Variants in TBCD observed in about 807,000 individuals in gnomAD.
TBCD encodes the protein tubulin folding cofactor D.
A neutral mutation model predicts 169.3 loss-of-function variants in TBCD; 105 were observed. The ratio of observed to expected loss-of-function variants is 0.62; its 90% confidence interval spans 0.53 to 0.73. The LOEUF is 0.73. Ranked by LOEUF, TBCD falls within the 30% of genes least tolerant of loss-of-function variation. The probability of loss-of-function intolerance (pLI) is 0.00; values close to 1 mark genes in which losing one functional copy is unlikely to be tolerated. For missense variants in TBCD, 1,444 were observed against 1,600.1 expected, an observed-to-expected ratio of 0.90 and a Z score of 1.66; for synonymous variants, 700 against 643.9, an observed-to-expected ratio of 1.09 and a Z score of -1.32.
intron 14 of TBCD, among the ~76,000 whole-genome samples, chr17:82,882,647 G>A (rs567361232): frequency 2.6e-5 from 4 of 152,326 alleles, no homozygotes; most frequent in Admixed American, 6.5e-5. Flanking sequence ...CAGACAGTGC[G>A]AGATGCAGGA....
intron 13 of TBCD, among the ~76,000 whole-genome samples, chr17:82,828,282 A>G (rs1417008770): frequency 2.0e-5 from 2 of 100,102 alleles, no homozygotes; most frequent in Admixed American, 1.2e-4. Context: ...ATGCACACAC[A>G]CCCCCCCACA....
At chr17:82,865,387 C>A in intron 13 of TBCD, 1 of 863,048 alleles carries the variant, frequency 1.2e-6, no homozygotes, top group Non-Finnish European at 1.4e-6. Context: ...TCCACATCCA[C>A]CCCATCGTGG....
intron 6 of TBCD, among the ~76,000 whole-genome samples, chr17:82,776,678 G>T (rs967978728): frequency 5.9e-5 from 9 of 152,210 alleles, no homozygotes; most frequent in African/African-American, 2.2e-4. Flanking sequence ...CGGACGCCTG[G>T]GTTTGGTTAC....
At chr17:82,818,056 G>A (rs1014181800) in intron 13 of TBCD, among the ~76,000 whole-genome samples, 3 of 152,236 alleles carry the variant, frequency 2.0e-5, no homozygotes, top group Non-Finnish European at 4.4e-5. Context: ...GCTTGTGTGT[G>A]TGCTCTGTCA....
rs753528335 is a variant in TBCD, at chr17:82,889,733, T to C, written c.1563+36T>C. ...TTTCAAACACCTTTATTCCAAAAAC[T>C]TCCTGCGGGTTTATAGGTAGGAATC... On this transcript the variant is annotated intron_variant, in intron 16 of 38. Coordinates refer to ENST00000355528, the MANE Select transcript of TBCD (RefSeq NM_005993.5). This position sits in a 1 kb window ranked among gnomAD's most constrained non-coding sequence, Gnocchi z 5.3. 3.7e-6 allele frequency: 6 copies of C among 1,611,038 alleles called. 1 individual carries two copies. In the Admixed American group the frequency reaches 1.0e-4, roughly 27 times the overall value.
chr17:82,905,268 C>G (rs1006705601), intron 19 of TBCD, among the ~76,000 whole-genome samples: 7 of 152,248 alleles, frequency 4.6e-5, no homozygotes, highest in Admixed American at 4.6e-4. Context: ...GGGAGTGTGT[C>G]GTCCTCCTCC....
chr17:82,791,789 G>A lies in TBCD; in HGVS notation c.772-5968G>A, dbSNP rs147641486. Among the ~76,000 whole-genome samples, 992 of 152,304 alleles carry A rather than the reference G, an allele frequency of 6.5e-3. 4 individuals carry two copies. The highest frequency in any genetic ancestry group is 0.01 in the Non-Finnish European group (710 of 68,022). On this transcript the variant is annotated intron_variant, in intron 7 of 38. Coordinates refer to ENST00000355528, the MANE Select transcript of TBCD (RefSeq NM_005993.5). ...CAATGAGGGTAGTCCTGAGAACTGC[G>A]TCGTTGGGCAGTGTCGTCGTGTGAA...
intron 14 of TBCD, among the ~76,000 whole-genome samples, chr17:82,881,932 C>G (rs1353796740): frequency 6.6e-6 from 1 of 151,686 alleles, no homozygotes; most frequent in African/African-American, 2.4e-5. Context: ...CTCCCTTCCT[C>G]CCTCCCTCCC....
intron 14 of TBCD, among the ~76,000 whole-genome samples, chr17:82,877,474 G>A (rs564776001): frequency 6.6e-6 from 1 of 152,086 alleles, no homozygotes; most frequent in Non-Finnish European, 1.5e-5. Flanking sequence ...CTAGTAGCTG[G>A]GATTACAGGT....
intron 13 of TBCD, among the ~76,000 whole-genome samples, chr17:82,847,673 T>C (rs993488571): frequency 2.0e-4 from 30 of 152,232 alleles, no homozygotes; most frequent in African/African-American, 7.0e-4. Context: ...AGTCTTGCTC[T>C]GTCACCCAGG....
At chr17:82,843,243 G>T (rs1275049291) in intron 13 of TBCD, among the ~76,000 whole-genome samples, 1 of 151,736 alleles carries the variant, frequency 6.6e-6, no homozygotes, top group East Asian at 1.9e-4. Flanking sequence ...CAACGGTGGG[G>T]TTCTCCAGTT....
chr17:82,759,416 C>T (rs551603053), intron 2 of TBCD, among the ~76,000 whole-genome samples: 33 of 152,112 alleles, frequency 2.2e-4, no homozygotes, highest in South Asian at 1.0e-3. Flanking sequence ...GGACCCAGGA[C>T]GCGGAGGTAG....
chr17:82,932,957 C>T, intron 34 of TBCD: 1 of 560,050 alleles, frequency 1.8e-6, no homozygotes, highest in Non-Finnish European at 3.2e-6. Context: ...TAAGTGCAGT[C>T]AGCCCCATCT....
chr17:82,848,699 G>A (rs2145600147), intron 13 of TBCD, among the ~76,000 whole-genome samples: 1 of 152,268 alleles, frequency 6.6e-6, no homozygotes, highest in East Asian at 1.9e-4. Context: ...CAAAATAACA[G>A]TGAAAAACCT....
Position 82,893,534 on chromosome 17 carries a change from A to G in TBCD, c.1564-13A>G. Reference sequence around the variant, plus strand: ...AAATTCTTCTTTTTCCCCCATTTCCACTTTCTTATTAGGGCACTTTCCCTC... The same window carrying G: ...AAATTCTTCTTTTTCCCCCATTTCCGCTTTCTTATTAGGGCACTTTCCCTC... On this transcript the variant is annotated splice_polypyrimidine_tract_variant and intron_variant, in intron 16 of 38. Coordinates refer to ENST00000355528, the MANE Select transcript of TBCD (RefSeq NM_005993.5). 6.3e-7 allele frequency: 1 copy of G among 1,591,816 alleles called. No homozygotes were observed. The highest frequency in any genetic ancestry group is 8.6e-7 in the Non-Finnish European group (1 of 1,168,484).
intron 7 of TBCD, 101 bp downstream of exon 7, chr17:82,781,822 G>GAAC (rs2048965722): frequency 1.3e-6 from 2 of 1,528,006 alleles, no homozygotes; most frequent in Admixed American, 1.8e-5. Context: ...GACGTAATTG[G>GAAC]AACCCCGTGG....
At chr17:82,881,922 C>T (rs956983149) in intron 14 of TBCD, among the ~76,000 whole-genome samples, 1 of 150,456 alleles carries the variant, frequency 6.6e-6, no homozygotes, top group Non-Finnish European at 1.5e-5. Context: ...CTCTCCCCTC[C>T]TCCCTTCCTC....
intron 13 of TBCD, chr17:82,830,327 AGGCAGGTTCCGG>A (rs1483034652): frequency 1.2e-6 from 2 of 1,613,908 alleles, no homozygotes; most frequent in African/African-American, 2.7e-5. Flanking sequence ...TCTTGCCGGC[AGGCAGGTTCCGG>A]GGCCGCAGCA....
At chr17:82,820,839 C>T (rs921146772) in intron 13 of TBCD, among the ~76,000 whole-genome samples, 1 of 146,208 alleles carries the variant, frequency 6.8e-6, no homozygotes, top group Non-Finnish European at 1.5e-5. Context: ...GCTGTTGAGT[C>T]CTCTTGTTGT....
Sources: allele counts gnomAD v4.1 joint callset (sites outside exome capture counted in the v4.1 genomes callset), GRCh38; gene constraint gnomAD v4.1.1; non-coding constraint Gnocchi (gnomAD v3.1); transcripts MANE v1.5; gene names NCBI Gene and HGNC (gene_info 2026-07-23, HGNC 2026-07-21).